KCTD1: variants seen among roughly 807,000 people sequenced by gnomAD.
KCTD1 encodes BTB/POZ domain-containing protein KCTD1.
KCTD1 carries 24 observed loss-of-function variants against 66.0 expected under a neutral mutation model. The ratio of observed to expected loss-of-function variants is 0.36; its 90% CI spans 0.26 to 0.51. KCTD1 has a LOEUF of 0.51. KCTD1 is among the 20% of genes least tolerant of loss of function. KCTD1 has a pLI of 0.95. For missense variants in KCTD1, 943 were observed against 1,205.2 expected (o/e 0.78, Z 3.22); for synonymous variants, 511 against 517.2 (o/e 0.99, Z 0.16).
chr18:26,529,796 A>T (rs147770714), intron 1 of KCTD1, among the ~76,000 whole-genome samples: 5 of 152,360 alleles, frequency 3.3e-5, no homozygotes, highest in Non-Finnish European at 7.3e-5. Flanking sequence ...GTGAATGATC[A>T]AAAGGACAAA....
At position 26,650,712 on chromosome 18, in the gene KCTD1, C is replaced by T. The variant is rs575287806; in HGVS notation, c.9+6648G>A. Among the ~76,000 whole-genome samples, 167 of 152,282 alleles carry T rather than the reference C, an allele frequency of 1.1e-3. 1 individual carries two copies. Among genetic ancestry groups the T allele is most frequent in the Admixed American group, 3.5e-3 (54 of 15,298 alleles). ...ATGGACCAATGTAGCTTTTTCTCCCCCTCACATAGAAAGTCTGGGTCTTTT... is the reference window on the plus strand; with the variant it reads ...ATGGACCAATGTAGCTTTTTCTCCCTCTCACATAGAAAGTCTGGGTCTTTT... On this transcript the variant is annotated intron_variant, in intron 1 of 4. Coordinates refer to the KCTD1 transcript ENST00000580191.
intron 3 of KCTD1, among the ~76,000 whole-genome samples, chr18:26,464,129 T>G (rs1980594909): frequency 6.6e-6 from 1 of 152,246 alleles, no homozygotes; most frequent in African/African-American, 2.4e-5. Flanking sequence ...TTTGGTGGCT[T>G]AAGACAACAC....
chr18:26,551,590 G>A (rs867336508), upstream of KCTD1, among the ~76,000 whole-genome samples: 3 of 152,082 alleles, frequency 2.0e-5, no homozygotes, highest in African/African-American at 7.2e-5. Context: ...CTATCTATAG[G>A]AGTCACGGGA....
intron 1 of KCTD1, among the ~76,000 whole-genome samples, chr18:26,593,426 TGAG>T (rs78017668): frequency 0.3 from 24,813 of 82,684 alleles, 2,608 homozygotes; most frequent in East Asian, 0.41. Context: ...AGGAAGAAGA[TGAG>T]GAGGAGGAGG....
chr18:26,637,995 T>C lies in KCTD1; in HGVS notation c.-107+2316A>G, dbSNP rs148535741. On this transcript the variant is annotated intron_variant, in intron 1 of 5. Transcript: ENST00000579973. ...GTCTGATTTTGTAGGCTGGCTCTCC[T>C]GGGTGTCACATCAAAGACTTAAGGA... 2.6e-3 allele frequency among the ~76,000 whole-genome samples: 391 copies of C among 152,344 alleles called. 2 individuals are homozygous for C. Among genetic ancestry groups the C allele is most frequent in the African/African-American group, 8.7e-3 (363 of 41,572 alleles).
At chr18:26,492,168 G>A (rs920711672) in intron 2 of KCTD1, among the ~76,000 whole-genome samples, 2 of 152,152 alleles carry the variant, frequency 1.3e-5, no homozygotes, top group Non-Finnish European at 2.9e-5. Flanking sequence ...CTTGAGCCCA[G>A]GAGGTTTATG....
Position 26,547,713 on chromosome 18 carries a change from G to C in KCTD1, c.824C>G (p.Ala275Gly). 6.5e-7 allele frequency: 1 copy of C among 1,549,222 alleles called. No homozygotes were observed. Among genetic ancestry groups the C allele is most frequent in the Admixed American group, 2.0e-5 (1 of 50,998 alleles). The change falls in exon 1 of 5, where the codon GCC becomes GGC. Residue 275 changes from alanine to glycine, a missense_variant. Ala to Gly is a moderately conservative substitution (Grantham distance 60). This residue lies in a region of KCTD1 where 61 missense variants were observed against 109.6 expected (regional missense o/e 0.56). Transcript: ENST00000580059. ...AVIRKLEEQGAGPVVQKQAIT... is the reference protein window; with the variant it reads ...AVIRKLEEQGGGPVVQKQAIT... ...GGCTTGCTTCTGCACCACCGGCCCG[G>C]CGCCCTGCTCCTCGAGCTTGCGGAT...
At chr18:26,629,091 A>G (rs1987563653) in intron 1 of KCTD1, 4 of 830,160 alleles carry the variant, frequency 4.8e-6, no homozygotes, top group African/African-American at 1.8e-5. Flanking sequence ...GGCTTTGCAG[A>G]TGGCAACAAA....
At chr18:26,602,743 T>C (rs1349534437) in intron 1 of KCTD1, among the ~76,000 whole-genome samples, 5 of 152,240 alleles carry the variant, frequency 3.3e-5, no homozygotes, top group Non-Finnish European at 4.4e-5. Flanking sequence ...AATAACATCA[T>C]GATCCACATA....
In KCTD1 at chr18:26,599,609, C is replaced by T. The variant is rs1332851101; in HGVS notation, c.-16+29538G>A. ...TGACATTATTTTGTCGGGTTTAGTCCCGGGAAGCACCACTCTGCACAGTGC... is the reference window on the plus strand; with the variant it reads ...TGACATTATTTTGTCGGGTTTAGTCTCGGGAAGCACCACTCTGCACAGTGC... On this transcript the variant is annotated intron_variant, in intron 1 of 4. Transcript: ENST00000317932. The T allele has an allele frequency of 6.1e-6, 9 of 1,478,990 alleles. No individual in the cohort carries two copies. The Admixed American group carries it at 1.2e-4, about 19-fold the overall frequency. 91.6% of individuals were successfully genotyped at this position (1,478,990 alleles called of 1,614,324 possible). A position where few individuals can be genotyped will look rare whatever the true frequency, so the allele number is the denominator to read the frequency against.
intron 2 of KCTD1, among the ~76,000 whole-genome samples, chr18:26,482,117 C>A (rs1170851726): frequency 6.6e-6 from 1 of 152,192 alleles, no homozygotes; most frequent in Non-Finnish European, 1.5e-5. Flanking sequence ...TGGCTCCAGA[C>A]CCCACCATGC....
intron 2 of KCTD1, among the ~76,000 whole-genome samples, chr18:26,490,597 TG>T (rs897354713): frequency 2.0e-5 from 3 of 152,304 alleles, no homozygotes; most frequent in African/African-American, 7.2e-5. Context: ...ACACTGCAGC[TG>T]CCCTGGGGTG....
intron 1 of KCTD1, among the ~76,000 whole-genome samples, chr18:26,509,240 A>G (rs757028299): frequency 6.6e-6 from 1 of 152,076 alleles, no homozygotes; most frequent in Non-Finnish European, 1.5e-5. Context: ...AGTTTCTGTC[A>G]ATCTTGACCA....
upstream of KCTD1, among the ~76,000 whole-genome samples, chr18:26,630,338 G>C (rs892942936): frequency 8.6e-5 from 13 of 151,964 alleles, no homozygotes; most frequent in Non-Finnish European, 2.9e-5. Flanking sequence ...TTTTTTTAGA[G>C]GTAAGGTCTC....
rs1272480603 is a variant in KCTD1, at chr18:26,455,045, T to G, written c.*698A>C. ...GAAAAATTGTAGGAAAGCAGCAGACTTGAACTGGAGCAATTCTAACAAGGA... is the reference window on the plus strand; with the variant it reads ...GAAAAATTGTAGGAAAGCAGCAGACGTGAACTGGAGCAATTCTAACAAGGA... On this transcript the variant is annotated 3_prime_UTR_variant, in exon 5 of 5. Coordinates refer to ENST00000580059, the MANE Select transcript of KCTD1 (RefSeq NM_001142730.3). 1 of 152,690 alleles carries G rather than the reference T, an allele frequency of 6.5e-6. No homozygotes were observed. Among genetic ancestry groups the G allele is most frequent in the South Asian group, 2.1e-4 (1 of 4,832 alleles). 9.5% of individuals were successfully genotyped at this position (152,690 alleles called of 1,614,324 possible). A position where few individuals can be genotyped will look rare whatever the true frequency, so the allele number is the denominator to read the frequency against.
intron 1 of KCTD1, among the ~76,000 whole-genome samples, chr18:26,620,181 G>T (rs1987342526): frequency 1.3e-5 from 2 of 151,978 alleles, no homozygotes; most frequent in South Asian, 4.2e-4. Context: ...CTAAGATTCT[G>T]TGGAATGCGG....
chr18:26,515,475 T>G (rs1055840737), intron 1 of KCTD1, among the ~76,000 whole-genome samples: 1 of 151,700 alleles, frequency 6.6e-6, no homozygotes, highest in Non-Finnish European at 1.5e-5. Flanking sequence ...CCTGACCCAC[T>G]AGGGCTTAGA....
chr18:26,624,789 G>T (rs1987463540), intron 1 of KCTD1, among the ~76,000 whole-genome samples: 1 of 152,174 alleles, frequency 6.6e-6, no homozygotes, highest in Non-Finnish European at 1.5e-5. Flanking sequence ...CCTCAGAATG[G>T]CAGATCTACT....
At chr18:26,517,509 T>C (rs1983711114) in intron 1 of KCTD1, among the ~76,000 whole-genome samples, 1 of 151,764 alleles carries the variant, frequency 6.6e-6, no homozygotes, top group South Asian at 2.1e-4. Flanking sequence ...ATACAAAAAT[T>C]AGCTGAGCAT....
Sources: gnomAD v4.1 joint callset for allele counts (sites outside exome capture counted in the v4.1 genomes callset) on GRCh38, gnomAD v4.1.1 for gene constraint, gnomAD v4.1.1 regional missense constraint, MANE v1.5 for transcripts, NCBI Gene and HGNC (gene_info 2026-07-23, HGNC 2026-07-21) for gene names.